The following GABRB3 variants were observed in gnomAD, a reference collection of about 807,000 sequenced individuals.
The protein encoded by GABRB3 is gamma-aminobutyric acid type A receptor subunit beta3.
GABRB3 carries 14 observed loss-of-function variants against 52.1 expected under a neutral mutation model. The observed-to-expected ratio is 0.27, with a 90% CI of 0.18 to 0.42. GABRB3 has a LOEUF of 0.42. GABRB3 is among the 10% of genes least tolerant of loss of function. The probability of loss-of-function intolerance (pLI) is 1.00; values close to 1 mark genes in which losing one functional copy is unlikely to be tolerated. For synonymous variants in GABRB3, 260 were observed against 232.3 expected (o/e 1.12, Z -1.08); for missense variants, 307 against 609.1 (o/e 0.50, Z 5.22).
chr15:26,751,833 T>A (rs552285180), intron 3 of GABRB3, among the ~76,000 whole-genome samples: 2 of 152,122 alleles, frequency 1.3e-5, no homozygotes, highest in African/African-American at 4.8e-5. Context: ...AAAGCCATGT[T>A]CTTGCACCAC....
At chr15:26,625,691 A>G (rs1892664208) in intron 3 of GABRB3, among the ~76,000 whole-genome samples, 1 of 152,168 alleles carries the variant, frequency 6.6e-6, no homozygotes, top group African/African-American at 2.4e-5. Flanking sequence ...TCTGGGTACA[A>G]AAATAAGAAA....
At chr15:26,597,639 AG>A (rs377748583) in intron 4 of GABRB3, among the ~76,000 whole-genome samples, 3 of 152,196 alleles carry the variant, frequency 2.0e-5, no homozygotes, top group African/African-American at 7.2e-5. Flanking sequence ...ATACATTCTT[AG>A]AGCTAACAAA....
At position 26,742,947 on chromosome 15, in the gene GABRB3, T is replaced by TTTTTTTTTTTTG. The variant is rs771203717; in HGVS notation, c.240+29454_240+29455insCAAAAAAAAAAA. ...TTCTTTTTTTTTTTTTTTTTTTTTT[T>TTTTTTTTTTTTG]GAGACAGAGTCTCGCTATGGCGCCC... On this transcript the variant is annotated intron_variant, in intron 3 of 8. Coordinates refer to ENST00000311550, the MANE Select transcript of GABRB3 (RefSeq NM_000814.6). Among the ~76,000 whole-genome samples the TTTTTTTTTTTTG allele has an allele frequency of 1.9e-5, 2 of 104,168 alleles. 1 individual carries two copies. The highest frequency in any genetic ancestry group is 3.9e-5 in the Non-Finnish European group (2 of 51,674). 68.3% of individuals were successfully genotyped at this position (104,168 alleles called of 152,430 possible).
intron 3 of GABRB3, among the ~76,000 whole-genome samples, chr15:26,719,647 C>T (rs186106424): frequency 4.5e-4 from 68 of 152,306 alleles, no homozygotes; most frequent in Admixed American, 3.7e-3. Context: ...TGCATTGTAG[C>T]TTATCGTCCT....
At chr15:26,750,998 T>C (rs1890491558) in intron 3 of GABRB3, among the ~76,000 whole-genome samples, 1 of 152,188 alleles carries the variant, frequency 6.6e-6, no homozygotes, top group Admixed American at 6.5e-5. Flanking sequence ...GCCCTTTTTT[T>C]CCTCTAAAAT....
chr15:26,609,382 G>A (rs905872574), intron 4 of GABRB3, among the ~76,000 whole-genome samples: 7 of 152,082 alleles, frequency 4.6e-5, no homozygotes, highest in African/African-American at 7.2e-5. Context: ...GCATATCTTC[G>A]AACGTAGATT....
intron 4 of GABRB3, chr15:26,616,092 G>C (rs1566775861): frequency 7.8e-7 from 1 of 1,288,528 alleles, no homozygotes; most frequent in Non-Finnish European, 1.0e-6. Flanking sequence ...TGCATTGTTG[G>C]GTTACACACA....
At chr15:26,650,507 C>A (rs1173044697) in intron 3 of GABRB3, among the ~76,000 whole-genome samples, 2 of 152,042 alleles carry the variant, frequency 1.3e-5, no homozygotes, top group African/African-American at 4.8e-5. Context: ...CTTTTGATAG[C>A]AACAGGAGGC....
At position 26,546,875 on chromosome 15, in the gene GABRB3, G is replaced by A. The variant is rs866777555; in HGVS notation, c.*918C>T. 1 of 151,262 alleles carries A rather than the reference G, an allele frequency of 6.6e-6. No individual in the cohort carries two copies. Among genetic ancestry groups the A allele is most frequent in the African/African-American group, 2.4e-5 (1 of 41,066 alleles). The allele number at this position is 151,262 out of a possible 1,614,324, so 9.4% of individuals were successfully genotyped here. A position where few individuals can be genotyped will look rare whatever the true frequency, so the allele number is the denominator to read the frequency against. Reference sequence around the variant, plus strand: ...CTAGATGGTTTTACCTTAGAGTAACGAATAACCTGAGACGTCTATGCTTTC... The same window carrying A: ...CTAGATGGTTTTACCTTAGAGTAACAAATAACCTGAGACGTCTATGCTTTC... On this transcript the variant is annotated 3_prime_UTR_variant, in exon 9 of 9. Coordinates refer to ENST00000311550, the MANE Select transcript of GABRB3 (RefSeq NM_000814.6).
At chr15:26,596,064 C>T (rs1391697316) in intron 4 of GABRB3, among the ~76,000 whole-genome samples, 2 of 152,098 alleles carry the variant, frequency 1.3e-5, no homozygotes, top group African/African-American at 4.8e-5. Flanking sequence ...TAGGCATGTA[C>T]AGACGTGCCC....
intron 3 of GABRB3, among the ~76,000 whole-genome samples, chr15:26,670,549 G>A (rs1887866183): frequency 6.6e-6 from 1 of 152,226 alleles, no homozygotes; most frequent in African/African-American, 2.4e-5. Context: ...CTCCACGCCA[G>A]CTCTCGAGCC....
chr15:26,770,410 C>T (rs1352692037), intron 3 of GABRB3, among the ~76,000 whole-genome samples: 2 of 152,178 alleles, frequency 1.3e-5, no homozygotes, highest in African/African-American at 4.8e-5. Context: ...ATACAATGGC[C>T]TGTATCTTCC....
intron 3 of GABRB3, among the ~76,000 whole-genome samples, chr15:26,741,087 C>T (rs1890197144): frequency 7.4e-6 from 1 of 135,096 alleles, no homozygotes; most frequent in South Asian, 2.2e-4. Flanking sequence ...TGTGTGTACA[C>T]CAGTACTTTA....
At chr15:26,650,274 A>G (rs1222843063) in intron 3 of GABRB3, among the ~76,000 whole-genome samples, 2 of 152,118 alleles carry the variant, frequency 1.3e-5, no homozygotes, top group Non-Finnish European at 2.9e-5. Flanking sequence ...ATTTCACAGC[A>G]GTTCAAAAGT....
intron 4 of GABRB3, chr15:26,611,986 T>C (rs1455400305): frequency 6.6e-6 from 1 of 152,234 alleles, no homozygotes. Context: ...TAGATAGTAT[T>C]AGCACTAACA....
At chr15:26,692,562 A>G (rs1049000914) in intron 3 of GABRB3, among the ~76,000 whole-genome samples, 1 of 152,212 alleles carries the variant, frequency 6.6e-6, no homozygotes, top group Non-Finnish European at 1.5e-5. Context: ...TGGAAGCTAG[A>G]GATGGCATTA....
intron 8 of GABRB3, 114 bp downstream of exon 8, chr15:26,560,818 G>C (rs1419896033): frequency 1.4e-6 from 2 of 1,442,604 alleles, no homozygotes; most frequent in East Asian, 2.3e-5. Flanking sequence ...GTACAAGAAG[G>C]GTGTGTGGCT....
intron 8 of GABRB3, chr15:26,557,535 T>C (rs1889801996): frequency 6.6e-6 from 1 of 152,238 alleles, no homozygotes; most frequent in South Asian, 2.1e-4. Flanking sequence ...TTCATCCACA[T>C]TACTTGATAT....
chr15:26,589,415 T>G (rs894997206), intron 4 of GABRB3, among the ~76,000 whole-genome samples: 2 of 152,120 alleles, frequency 1.3e-5, no homozygotes, highest in African/African-American at 4.8e-5. Flanking sequence ...ATGCTTAGAG[T>G]GAATCCAGCA....
Sources: allele counts gnomAD v4.1 joint callset (sites outside exome capture counted in the v4.1 genomes callset), GRCh38; gene constraint gnomAD v4.1.1; transcripts MANE v1.5; gene names NCBI Gene and HGNC (gene_info 2026-07-23, HGNC 2026-07-21).